KIF1A: variants seen among roughly 807,000 people sequenced by gnomAD.
KIF1A encodes kinesin family member 1A, also known as kinesin-like protein KIF1A.
Under a neutral mutation model 227.3 loss-of-function variants are expected in KIF1A, and 46 were observed. The ratio of observed to expected loss-of-function variants is 0.20; its 90% CI spans 0.16 to 0.26. KIF1A has a LOEUF of 0.26. Among genes scored for constraint, KIF1A ranks in the 10% least tolerant of loss-of-function variants. KIF1A has a pLI of 1.00. For synonymous variants in KIF1A, 1,022 were observed against 1,012.8 expected (o/e 1.01, Z -0.17); for missense variants, 1,683 against 2,485.9 (o/e 0.68, Z 6.87).
chr2:240,769,508 G>T, intron 16 of KIF1A, 119 bp downstream of exon 16: 1 of 810,578 alleles, frequency 1.2e-6, no homozygotes, highest in Non-Finnish European at 1.9e-6. Context: ...GCTGGGATGT[G>T]GCCACCCCAT....
Position 240,785,092 on chromosome 2 carries a change from G to A in KIF1A, c.617C>T (p.Ala206Val), listed in dbSNP as rs750125764. 2.5e-6 allele frequency: 4 copies of A among 1,612,408 alleles called. No homozygotes were observed. Among genetic ancestry groups the A allele is most frequent in the Non-Finnish European group, 2.5e-6 (3 of 1,179,414 alleles). ...MDSGNKARTV[A>V]ATNMNETSSR... ...GCTGGTCTCATTCATGTTGGTGGCC[G>A]CCACGGTCCTGAGGAGCAGAAAGCC... The change falls in exon 7 of 49, where the codon GCG becomes GTG. Residue 206 changes from alanine to valine, a missense_variant. Ala to Val is a moderately conservative substitution (Grantham distance 64). This residue lies in a region of KIF1A where 75 missense variants were observed against 131.2 expected (regional missense o/e 0.57). Transcript: ENST00000498729.
rs568979724 is a variant in KIF1A, at chr2:240,740,733, C to T, written c.3750-369G>A. Among the ~76,000 whole-genome samples, 361 of 152,160 alleles carry T rather than the reference C, an allele frequency of 2.4e-3. 2 individuals carry two copies. Among genetic ancestry groups the T allele is most frequent in the Admixed American group, 4.2e-3 (64 of 15,286 alleles). ...CAGAGGAAATCCCAGCAGATGGGCTCGTCTTCTCCAACATCTAAGGCTCCT... is the reference window on the plus strand; with the variant it reads ...CAGAGGAAATCCCAGCAGATGGGCTTGTCTTCTCCAACATCTAAGGCTCCT... On this transcript the variant is annotated intron_variant, in intron 35 of 48. Coordinates refer to ENST00000498729, the MANE Select transcript of KIF1A (RefSeq NM_001244008.2). This position sits in a 1 kb window ranked among gnomAD's most constrained non-coding sequence, Gnocchi z 6.1.
chr2:240,783,502 G>A (rs1371846582), intron 8 of KIF1A, among the ~76,000 whole-genome samples: 2 of 152,202 alleles, frequency 1.3e-5, no homozygotes. Context: ...AAGGTCCTTG[G>A]GGCCCGAAAG....
At chr2:240,781,785 G>A in intron 10 of KIF1A, 1 of 983,710 alleles carries the variant, frequency 1.0e-6, no homozygotes. Context: ...CAGCTTCCTC[G>A]CCTGGCTCCC....
At chr2:240,785,171 G>C (rs942860899) in intron 6 of KIF1A, 71 bp from the exon 7 acceptor site, 2 of 1,286,702 alleles carry the variant, frequency 1.6e-6, no homozygotes, top group Non-Finnish European at 2.2e-6. Flanking sequence ...GGTGGTGCCA[G>C]CCCTCTGAAC....
chr2:240,740,722 G>A lies in KIF1A; in HGVS notation c.3750-358C>T, dbSNP rs1013770087. Among the ~76,000 whole-genome samples the A allele has an allele frequency of 6.6e-6, 1 of 152,054 alleles. No individual in the cohort carries two copies. The highest frequency in any genetic ancestry group is 2.4e-5 in the African/African-American group (1 of 41,382). On this transcript the variant is annotated intron_variant, in intron 35 of 48. Coordinates refer to ENST00000498729, the MANE Select transcript of KIF1A (RefSeq NM_001244008.2). This position sits in a 1 kb window ranked among gnomAD's most constrained non-coding sequence, Gnocchi z 6.1. ...GCCAGAGGATCCAGAGGAAATCCCAGCAGATGGGCTCGTCTTCTCCAACAT... is the reference window on the plus strand; with the variant it reads ...GCCAGAGGATCCAGAGGAAATCCCAACAGATGGGCTCGTCTTCTCCAACAT...
rs771003443 is a variant in KIF1A at position 240,762,731 on chromosome 2, GCTC to G, written c.2101_2103del (p.Glu701del). 8.2e-5 allele frequency: 131 copies of G among 1,588,440 alleles called. No homozygotes were observed. The highest frequency in any genetic ancestry group is 1.0e-4 in the Admixed American group (6 of 59,122). ...AGTGACCCCTCACCTTCATCCTCGGGCTCCTCCTCCTCCTCGTTCACCTCCGGG... is the reference window on the plus strand; with the variant it reads ...AGTGACCCCTCACCTTCATCCTCGGGCTCCTCCTCCTCGTTCACCTCCGGG... On this transcript the variant is annotated inframe_deletion, in exon 23 of 49. Coordinates refer to ENST00000498729, the MANE Select transcript of KIF1A (RefSeq NM_001244008.2).
At chr2:240,817,921 G>C (rs2058444545) in intron 1 of KIF1A, among the ~76,000 whole-genome samples, 3 of 152,224 alleles carry the variant, frequency 2.0e-5, no homozygotes, top group African/African-American at 7.2e-5. Context: ...AGTGACCCCA[G>C]TTTTAATCCT....
At chr2:240,768,000 CCT>C (rs913594780) in intron 17 of KIF1A, among the ~76,000 whole-genome samples, 17 of 152,226 alleles carry the variant, frequency 1.1e-4, no homozygotes, top group African/African-American at 3.1e-4. Flanking sequence ...GTCCCTGCCC[CCT>C]GAGTGGGGAA....
chr2:240,773,000 C>G, intron 13 of KIF1A, 114 bp downstream of exon 13: 1 of 1,182,504 alleles, frequency 8.5e-7, no homozygotes, highest in Non-Finnish European at 1.2e-6. Flanking sequence ...CTGCCACAGC[C>G]CAGGGTGCAG....
At chr2:240,784,401 G>A (rs1267675510) in intron 7 of KIF1A, among the ~76,000 whole-genome samples, 1 of 152,240 alleles carries the variant, frequency 6.6e-6, no homozygotes, top group East Asian at 1.9e-4. Context: ...TGAGGGCAGC[G>A]GGGCAGGCAG....
intron 32 of KIF1A, among the ~76,000 whole-genome samples, chr2:240,744,902 T>C (rs1055291371): frequency 3.3e-5 from 5 of 152,158 alleles, no homozygotes; most frequent in African/African-American, 1.2e-4. Flanking sequence ...CGTTAGGCAC[T>C]CTTTCCCCTG....
intron 2 of KIF1A, among the ~76,000 whole-genome samples, chr2:240,796,485 A>G (rs758151720): frequency 4.0e-5 from 6 of 151,810 alleles, no homozygotes; most frequent in African/African-American, 7.3e-5. Flanking sequence ...AACTTCCCCA[A>G]TCTCCCACAG....
chr2:240,787,427 C>T, intron 4 of KIF1A, 111 bp from the exon 5 acceptor site: 2 of 887,202 alleles, frequency 2.3e-6, no homozygotes, highest in Non-Finnish European at 1.9e-6. Flanking sequence ...CCCTCTCAGG[C>T]CCCTCTTGCA....
chr2:240,726,731 C>T lies in KIF1A; in HGVS notation c.4122+95G>A, dbSNP rs1188605438. The T allele has an allele frequency of 2.4e-5, 15 of 634,308 alleles. No homozygotes were observed. Among genetic ancestry groups the T allele is most frequent in the African/African-American group, 1.1e-4 (6 of 54,630 alleles). 39.3% of individuals were successfully genotyped at this position (634,308 alleles called of 1,614,324 possible). On this transcript the variant is annotated intron_variant, in intron 39 of 48. Coordinates refer to ENST00000498729, the MANE Select transcript of KIF1A (RefSeq NM_001244008.2). The surrounding 1 kb of genome is among the most constrained non-coding windows in gnomAD (Gnocchi z 5.2). Reference sequence around the variant, plus strand: ...CCAGGGACTTGAGAACTAGAGAAGTCGTCTGGGTCATATGGGGTTGTCCAG... The same window carrying T: ...CCAGGGACTTGAGAACTAGAGAAGTTGTCTGGGTCATATGGGGTTGTCCAG...
chr2:240,772,625 G>C, intron 13 of KIF1A, 29 bp from the exon 14 acceptor site: 1 of 1,518,314 alleles, frequency 6.6e-7, no homozygotes, highest in Non-Finnish European at 8.9e-7. Flanking sequence ...TGGGGGAGGG[G>C]GAGAGACAGA....
Position 240,717,379 on chromosome 2 carries a change from G to A in KIF1A, c.5361C>T (p.Ala1787=). The A allele has an allele frequency of 6.2e-7, 1 of 1,611,978 alleles. No individual in the cohort carries two copies. The highest frequency in any genetic ancestry group is 1.1e-5 in the South Asian group (1 of 91,082). ...GGGCTCAGGTTCAGACCCGCATCTG[G>A]GCAGACCTCCTTCTGGAGAGCTTGG... The part of the protein sequence containing the change: ...IRSKLSRRRS[A]QMRV The change falls in exon 49 of 49, where the codon GCC becomes GCT. Residue 1787 remains alanine (A), a synonymous_variant. Transcript: ENST00000498729.
At chr2:240,723,080 T>G (rs922322579) in intron 42 of KIF1A, among the ~76,000 whole-genome samples, 8 of 152,200 alleles carry the variant, frequency 5.3e-5, no homozygotes, top group Non-Finnish European at 1.0e-4. Flanking sequence ...ATGCTGCATG[T>G]TGGTTTCCCT....
chr2:240,803,373 G>A (rs1193175614), intron 1 of KIF1A, among the ~76,000 whole-genome samples: 1 of 152,208 alleles, frequency 6.6e-6, no homozygotes. Flanking sequence ...GTTGGCTTGG[G>A]AAGACTTTCA....
Sources: allele counts gnomAD v4.1 joint callset (sites outside exome capture counted in the v4.1 genomes callset), GRCh38; gene constraint gnomAD v4.1.1; regional missense constraint gnomAD v4.1.1; non-coding constraint Gnocchi (gnomAD v3.1); transcripts MANE v1.5; gene names NCBI Gene and HGNC (gene_info 2026-07-23, HGNC 2026-07-21).